Variants in BNC2 observed in about 807,000 individuals in gnomAD.
BNC2 encodes the protein zinc finger protein basonuclin-2.
A neutral mutation model predicts 76.3 loss-of-function variants in BNC2; 20 were observed. The observed-to-expected ratio is 0.26, with a 90% CI of 0.18 to 0.38. The LOEUF (loss-of-function observed/expected upper bound fraction) is 0.38. Among genes scored for constraint, BNC2 ranks in the 10% least tolerant of loss-of-function variants. The probability of loss-of-function intolerance (pLI) is 1.00; values close to 1 mark genes in which losing one functional copy is unlikely to be tolerated. For missense variants in BNC2, 1,382 were observed against 1,399.8 expected (o/e 0.99, Z 0.20); for synonymous variants, 582 against 514.8 (o/e 1.13, Z -1.77).
At chr9:16,702,600 G>A (rs1823546714) in intron 3 of BNC2, among the ~76,000 whole-genome samples, 2 of 144,244 alleles carry the variant, frequency 1.4e-5, no homozygotes, top group African/African-American at 5.0e-5. Flanking sequence ...AGAGATAAAT[G>A]AAGAACCTAA....
intron 5 of BNC2, among the ~76,000 whole-genome samples, chr9:16,458,243 G>A (rs536154605): frequency 6.6e-6 from 1 of 152,276 alleles, no homozygotes; most frequent in South Asian, 2.1e-4. Context: ...CCTTTAGAGA[G>A]CAGCCATCAA....
At chr9:16,761,636 T>G (rs1416569443) in intron 1 of BNC2, among the ~76,000 whole-genome samples, 2 of 152,210 alleles carry the variant, frequency 1.3e-5, no homozygotes, top group East Asian at 3.8e-4. Flanking sequence ...AGTTCAGGAT[T>G]CTAGTTATGG....
intron 5 of BNC2, among the ~76,000 whole-genome samples, chr9:16,478,191 T>C (rs879903860): frequency 6.6e-6 from 1 of 152,190 alleles, no homozygotes; most frequent in Admixed American, 6.5e-5. Flanking sequence ...GCAATATGCT[T>C]CCTGGTCCAC....
chr9:16,644,155 A>G (rs1445647713), intron 3 of BNC2, among the ~76,000 whole-genome samples: 3 of 152,194 alleles, frequency 2.0e-5, no homozygotes, highest in African/African-American at 2.4e-5. Flanking sequence ...AAAGTTTCCT[A>G]TACATACCAA....
chr9:16,712,226 T>G (rs180848313), intron 3 of BNC2, among the ~76,000 whole-genome samples: 42 of 152,306 alleles, frequency 2.8e-4, no homozygotes, highest in African/African-American at 9.6e-4. Context: ...CTTCTATAAT[T>G]CTGAATATAA....
At chr9:16,593,347 C>G (rs1819984134) in intron 3 of BNC2, among the ~76,000 whole-genome samples, 1 of 152,170 alleles carries the variant, frequency 6.6e-6, no homozygotes, top group African/African-American at 2.4e-5. Context: ...TTTTCCCAGA[C>G]AGAGATCCAA....
intron 1 of BNC2, among the ~76,000 whole-genome samples, chr9:16,854,523 T>G (rs949798923): frequency 6.6e-6 from 1 of 152,190 alleles, no homozygotes; most frequent in African/African-American, 2.4e-5. Flanking sequence ...TACCAGGTAT[T>G]TAATAACTAG....
At chr9:16,781,857 T>C (rs144509576) in intron 1 of BNC2, among the ~76,000 whole-genome samples, 134 of 152,222 alleles carry the variant, frequency 8.8e-4, no homozygotes, top group African/African-American at 3.0e-3. Context: ...CTGTAAAATA[T>C]CAGTTACAAA....
intron 3 of BNC2, among the ~76,000 whole-genome samples, chr9:16,721,127 A>G (rs1467534341): frequency 6.6e-6 from 1 of 152,210 alleles, no homozygotes; most frequent in Non-Finnish European, 1.5e-5. Flanking sequence ...TCATGGCCCC[A>G]GACATCATTT....
chr9:16,738,145 C>G (rs1824733208), intron 2 of BNC2, among the ~76,000 whole-genome samples: 2 of 152,182 alleles, frequency 1.3e-5, no homozygotes, highest in South Asian at 4.2e-4. Flanking sequence ...CAAAATCATT[C>G]AAATAACCAT....
At chr9:16,422,068 C>G (rs571747154) in intron 6 of BNC2, among the ~76,000 whole-genome samples, 1 of 152,166 alleles carries the variant, frequency 6.6e-6, no homozygotes, top group South Asian at 2.1e-4. Context: ...GAGAAAAGGA[C>G]ACACTGATCA....
At chr9:16,472,653 C>T (rs898321048) in intron 5 of BNC2, among the ~76,000 whole-genome samples, 2 of 152,214 alleles carry the variant, frequency 1.3e-5, no homozygotes, top group African/African-American at 4.8e-5. Flanking sequence ...TATAATCCTT[C>T]TTCTTTTTAC....
chr9:16,792,944 A>T (rs1817553832), intron 1 of BNC2, among the ~76,000 whole-genome samples: 1 of 152,246 alleles, frequency 6.6e-6, no homozygotes, highest in Non-Finnish European at 1.5e-5. Flanking sequence ...CTCTAAATAT[A>T]ATCTACTCAT....
intron 3 of BNC2, among the ~76,000 whole-genome samples, chr9:16,688,593 T>C (rs1823049254): frequency 6.6e-6 from 1 of 152,224 alleles, no homozygotes. Flanking sequence ...ACAAAGATTT[T>C]CCAAAATGTT....
chr9:16,808,050 A>AG (rs1817955284), intron 1 of BNC2, among the ~76,000 whole-genome samples: 1 of 152,228 alleles, frequency 6.6e-6, no homozygotes, highest in Admixed American at 6.5e-5. Flanking sequence ...GGCAAAAAGG[A>AG]GGTGGGCCAT....
chr9:16,607,876 C>G (rs1484563314), intron 3 of BNC2, among the ~76,000 whole-genome samples: 1 of 152,136 alleles, frequency 6.6e-6, no homozygotes, highest in African/African-American at 2.4e-5. Flanking sequence ...ATTTGACTCT[C>G]CTGAAACATT....
Position 16,410,467 on chromosome 9 carries a change from C to T in BNC2, c.*8522G>A, listed in dbSNP as rs1373468778. On this transcript the variant is annotated 3_prime_UTR_variant, in exon 7 of 7. Transcript: ENST00000380672. ...GTTTAGCTCTCCTGCATTCTTTATA[C>T]TGGCACTGGCAGGAAAATGGTGAGA... 1 of 152,644 alleles carries T rather than the reference C, an allele frequency of 6.6e-6. No individual in the cohort carries two copies. Among genetic ancestry groups the T allele is most frequent in the Non-Finnish European group, 1.5e-5 (1 of 68,044 alleles). 9.5% of individuals were successfully genotyped at this position (152,644 alleles called of 1,614,324 possible).
At position 16,522,502 on chromosome 9, in the gene BNC2, C is replaced by T. The variant is rs75285229; in HGVS notation, c.669+30028G>A. ...GCTGGCAAGCGACTAAAAGGCTGAA[C>T]TGGCAAAAGGAGACTTTCTGATGCT... On this transcript the variant is annotated intron_variant, in intron 5 of 6. Transcript: ENST00000380672. Among the ~76,000 whole-genome samples the T allele has an allele frequency of 4.6e-3, 700 of 152,262 alleles. 4 individuals carry two copies. The highest frequency in any genetic ancestry group is 0.016 in the African/African-American group (676 of 41,556).
At chr9:16,614,581 T>G (rs1454941599) in intron 3 of BNC2, among the ~76,000 whole-genome samples, 1 of 152,080 alleles carries the variant, frequency 6.6e-6, no homozygotes, top group African/African-American at 2.4e-5. Context: ...CAGGTACTAT[T>G]TAAAAGAAAG....
Sources: allele counts gnomAD v4.1 joint callset (sites outside exome capture counted in the v4.1 genomes callset), GRCh38; gene constraint gnomAD v4.1.1; transcripts MANE v1.5; gene names NCBI Gene and HGNC (gene_info 2026-07-23, HGNC 2026-07-21).